Variants in PCDH11Y observed in about 807,000 individuals in gnomAD.
The protein encoded by PCDH11Y is protocadherin-11 Y-linked.
For synonymous variants in PCDH11Y, 9 were observed against 83.6 expected, an observed-to-expected ratio of 0.11 and a Z score of 4.87; for missense variants, 12 against 224.8, an observed-to-expected ratio of 0.05 and a Z score of 6.05.
chrY:5,662,807 A>G, intron 4 of PCDH11Y, among the ~76,000 whole-genome samples: 2 of 30,462 alleles, frequency 6.6e-5, no homozygotes, highest in Admixed American at 6.3e-4. Context: ...TTTATAAATA[A>G]AGTTTTGGCC....
intron 4 of PCDH11Y, among the ~76,000 whole-genome samples, chrY:5,721,253 A>G: frequency 6.1e-4 from 20 of 33,022 alleles, no homozygotes; most frequent in African/African-American, 2.4e-3. Context: ...GGAGCAAAGT[A>G]TGGGGGAAGT....
At chrY:5,578,715 G>T in intron 3 of PCDH11Y, among the ~76,000 whole-genome samples, 2 of 33,117 alleles carry the variant, frequency 6.0e-5, no homozygotes, top group Non-Finnish European at 1.5e-4. Flanking sequence ...TTTGTATTAG[G>T]AACTATAATA....
intron 4 of PCDH11Y, among the ~76,000 whole-genome samples, chrY:5,641,924 A>C: frequency 5.9e-5 from 2 of 33,998 alleles, no homozygotes; most frequent in Non-Finnish European, 7.3e-5. Flanking sequence ...GTTATATCTA[A>C]TTTTCAAAAT....
At chrY:5,219,349 C>T in intron 2 of PCDH11Y, among the ~76,000 whole-genome samples, 1 of 32,485 alleles carries the variant, frequency 3.1e-5, no homozygotes, top group Non-Finnish European at 7.5e-5. Flanking sequence ...ACAAGGGTTC[C>T]CTATTCCCCA....
chrY:5,633,064 C>A, intron 4 of PCDH11Y, among the ~76,000 whole-genome samples: 2 of 31,641 alleles, frequency 6.3e-5, no homozygotes, highest in Non-Finnish European at 1.5e-4. Flanking sequence ...ACTGTGGCCA[C>A]CCCAATTCTG....
chrY:5,516,439 ACAAGAAGCT>A, intron 3 of PCDH11Y, among the ~76,000 whole-genome samples: 1 of 33,182 alleles, frequency 3.0e-5, no homozygotes, highest in Non-Finnish European at 7.4e-5. Flanking sequence ...CTAATAAAAT[ACAAGAAGCT>A]CATCTTAAAT....
intron 2 of PCDH11Y, among the ~76,000 whole-genome samples, chrY:5,322,747 G>T: frequency 3.1e-5 from 1 of 32,592 alleles, no homozygotes; most frequent in East Asian, 7.9e-4. Context: ...TTGCACCAAT[G>T]TTTCCTGGCC....
chrY:5,300,096 C>G, intron 2 of PCDH11Y, among the ~76,000 whole-genome samples: 1 of 33,359 alleles, frequency 3.0e-5, no homozygotes, highest in Non-Finnish European at 7.4e-5. Flanking sequence ...TCATATTCAC[C>G]TTTGTGGCAT....
chrY:5,338,560 G>C, intron 2 of PCDH11Y: 1 of 379,045 alleles, frequency 2.6e-6, no homozygotes, highest in Non-Finnish European at 3.8e-6. Context: ...TGGTGCCCCT[G>C]ACACAGGCAT....
intron 4 of PCDH11Y, among the ~76,000 whole-genome samples, chrY:5,591,885 A>G: frequency 3.0e-5 from 1 of 33,167 alleles, no homozygotes; most frequent in Non-Finnish European, 7.4e-5. Context: ...TTGATAGTGC[A>G]ATGATCTGAG....
chrY:5,190,587 A>G (rs2052911194), intron 2 of PCDH11Y, among the ~76,000 whole-genome samples: 1 of 33,516 alleles, frequency 3.0e-5, no homozygotes. Flanking sequence ...ATTACCAAGG[A>G]GGAAGGAAGA....
At chrY:5,617,709 T>G in intron 4 of PCDH11Y, among the ~76,000 whole-genome samples, 1 of 32,579 alleles carries the variant, frequency 3.1e-5, no homozygotes, top group Non-Finnish European at 7.6e-5. Flanking sequence ...CTTCTTTTCC[T>G]TAAATATTCT....
At chrY:5,464,685 T>C in intron 2 of PCDH11Y, among the ~76,000 whole-genome samples, 1 of 32,324 alleles carries the variant, frequency 3.1e-5, no homozygotes, top group Admixed American at 2.9e-4. Flanking sequence ...CAGCTGTGAA[T>C]ACCAGCACAG....
At chrY:5,025,814 T>G (rs2124620557) in intron 1 of PCDH11Y, among the ~76,000 whole-genome samples, 5 of 28,609 alleles carry the variant, frequency 1.7e-4, no homozygotes, top group African/African-American at 6.8e-4. Context: ...AAATAAAGAC[T>G]GTTTAAAATA....
At chrY:5,030,774 T>C in intron 1 of PCDH11Y, 1 of 32,739 alleles carries the variant, frequency 3.1e-5, no homozygotes, top group Non-Finnish European at 7.5e-5. Context: ...ATTCACATTC[T>C]TCGGTACTAT....
intron 2 of PCDH11Y, among the ~76,000 whole-genome samples, chrY:5,473,673 CAT>C (rs2124684962): frequency 3.2e-5 from 1 of 30,862 alleles, no homozygotes; most frequent in Non-Finnish European, 7.9e-5. Context: ...CATATCTAGA[CAT>C]AGAATTTCTG....
At chrY:5,076,367 C>T (rs1412167904) in intron 1 of PCDH11Y, among the ~76,000 whole-genome samples, 37 of 33,100 alleles carry the variant, frequency 1.1e-3, no homozygotes, top group Non-Finnish European at 2.0e-3. Flanking sequence ...TGGGTTGTCT[C>T]TTCACTTTGT....
chrY:5,383,177 C>A, intron 2 of PCDH11Y, among the ~76,000 whole-genome samples: 3 of 32,995 alleles, frequency 9.1e-5, no homozygotes, highest in African/African-American at 3.6e-4. Context: ...GCACTCCAGC[C>A]TGGGCAACAA....
chrY:5,562,142 G>A (rs1602943447), intron 3 of PCDH11Y, among the ~76,000 whole-genome samples: 1 of 33,529 alleles, frequency 3.0e-5, no homozygotes, highest in African/African-American at 1.2e-4. Flanking sequence ...TTAAATGTGC[G>A]GTAGCAGATA....
Sources: allele counts gnomAD v4.1 joint callset (sites outside exome capture counted in the v4.1 genomes callset), GRCh38; gene constraint gnomAD v4.1.1; transcripts MANE v1.5; gene names NCBI Gene and HGNC (gene_info 2026-07-23, HGNC 2026-07-21).